DUSP22: variants seen among roughly 807,000 people sequenced by gnomAD.
The protein encoded by DUSP22 is dual specificity protein phosphatase 22.
DUSP22 carries 24 observed loss-of-function variants against 24.5 expected under a neutral mutation model. The ratio of observed to expected loss-of-function variants is 0.98; its 90% CI spans 0.71 to 1.38. The LOEUF (loss-of-function observed/expected upper bound fraction) is 1.38. DUSP22 is among the 40% of genes most tolerant of loss of function. The pLI is 0.00. For synonymous variants in DUSP22, 160 were observed against 106.4 expected (o/e 1.50, Z -3.10); for missense variants, 330 against 269.2 (o/e 1.23, Z -1.58).
At chr6:345,961 C>G (rs762133937) in intron 5 of DUSP22, 33 bp downstream of exon 5, 1 of 1,611,880 alleles carries the variant, frequency 6.2e-7, no homozygotes, top group Non-Finnish European at 8.5e-7. Flanking sequence ...AGCGCCTTAG[C>G]GTATTCTGGT....
Position 292,520 on chromosome 6 carries a change from A to G in DUSP22, c.-20A>G. The G allele has an allele frequency of 6.2e-7, 1 of 1,605,026 alleles. No homozygotes were observed. The highest frequency in any genetic ancestry group is 1.1e-5 in the South Asian group (1 of 90,448). On this transcript the variant is annotated 5_prime_UTR_variant, in exon 1 of 7. Transcript: ENST00000419235. ...CCTGCGACCACACGGCCGGGGCGCTAGCGTTCGCCTTCAGCCACCATGGGG... is the reference window on the plus strand; with the variant it reads ...CCTGCGACCACACGGCCGGGGCGCTGGCGTTCGCCTTCAGCCACCATGGGG...
At chr6:335,582 G>C (rs1307479100) in intron 4 of DUSP22, among the ~76,000 whole-genome samples, 1 of 152,280 alleles carries the variant, frequency 6.6e-6, no homozygotes, top group Non-Finnish European at 1.5e-5. Flanking sequence ...ATTTTAAACA[G>C]CAAACAGAAA....
At chr6:330,059 C>T (rs764253425) in intron 3 of DUSP22, among the ~76,000 whole-genome samples, 16 of 152,406 alleles carry the variant, frequency 1.0e-4, no homozygotes, top group South Asian at 1.0e-3. Flanking sequence ...CCACACAGGC[C>T]GGTGAAGCAG....
chr6:306,229 G>A (rs941110297), intron 2 of DUSP22, among the ~76,000 whole-genome samples: 1 of 152,306 alleles, frequency 6.6e-6, no homozygotes, highest in Non-Finnish European at 1.5e-5. Context: ...TTTAGGATAA[G>A]TTCTTAGAAG....
chr6:303,003 C>G (rs1319459954), intron 1 of DUSP22, among the ~76,000 whole-genome samples: 1 of 152,294 alleles, frequency 6.6e-6, no homozygotes, highest in African/African-American at 2.4e-5. Flanking sequence ...AAGGACCAGG[C>G]CTTGTTGAGA....
At chr6:310,831 A>G (rs1758052021) in intron 2 of DUSP22, among the ~76,000 whole-genome samples, 1 of 152,308 alleles carries the variant, frequency 6.6e-6, no homozygotes, top group Non-Finnish European at 1.5e-5. Context: ...GGTCTCGTAA[A>G]TTTACCTTCT....
intron 3 of DUSP22, among the ~76,000 whole-genome samples, chr6:332,729 C>G (rs1561672051): frequency 6.6e-6 from 1 of 151,394 alleles, no homozygotes; most frequent in African/African-American, 2.4e-5. Flanking sequence ...CAGTCAACAT[C>G]TGGGGGACGC....
chr6:301,978 A>G (rs1278539572), intron 1 of DUSP22, among the ~76,000 whole-genome samples: 1 of 152,310 alleles, frequency 6.6e-6, no homozygotes, highest in Non-Finnish European at 1.5e-5. Flanking sequence ...AGATGTACAA[A>G]GAAAAAAAGC....
chr6:334,650 G>A (rs1759283170), intron 3 of DUSP22, among the ~76,000 whole-genome samples: 1 of 152,302 alleles, frequency 6.6e-6, no homozygotes, highest in Non-Finnish European at 1.5e-5. Flanking sequence ...AGCTGTCATG[G>A]TACTAAAATT....
In DUSP22 at chr6:349,031, A is replaced by T; in HGVS notation, c.*80A>T. On this transcript the variant is annotated 3_prime_UTR_variant, in exon 7 of 7. Coordinates refer to ENST00000419235, the MANE Select transcript of DUSP22 (RefSeq NM_001286555.3). The stretch of plus-strand genomic sequence containing the variant: ...GGCAGGGGTGCGGTGGTGGTGGCCG[A>T]TGAGGACAGGAAAGGGAGATAGCCA... 6.5e-7 allele frequency: 1 copy of T among 1,528,028 alleles called. No individual in the cohort carries two copies. The highest frequency in any genetic ancestry group is 8.8e-7 in the Non-Finnish European group (1 of 1,136,548). 94.7% of individuals were successfully genotyped at this position (1,528,028 alleles called of 1,614,324 possible).
chr6:304,014 A>T (rs1363556293), intron 1 of DUSP22, among the ~76,000 whole-genome samples: 4 of 152,302 alleles, frequency 2.6e-5, no homozygotes, highest in African/African-American at 9.6e-5. Flanking sequence ...TCATTTATTT[A>T]ACAACCCATT....
intron 2 of DUSP22, among the ~76,000 whole-genome samples, chr6:307,395 A>G (rs984678919): frequency 2.8e-4 from 42 of 152,180 alleles, no homozygotes; most frequent in African/African-American, 1.0e-3. Flanking sequence ...TCACTCTGCA[A>G]CTCTTAAGAA....
intron 3 of DUSP22, among the ~76,000 whole-genome samples, chr6:313,966 G>A (rs1375272813): frequency 2.0e-5 from 3 of 152,304 alleles, no homozygotes; most frequent in Non-Finnish European, 4.4e-5. Context: ...CTTCTGTCTT[G>A]AGTTTCAAAT....
chr6:316,749 A>T (rs939731709), intron 3 of DUSP22, among the ~76,000 whole-genome samples: 1 of 152,308 alleles, frequency 6.6e-6, no homozygotes, highest in Non-Finnish European at 1.5e-5. Flanking sequence ...TCTCACTATT[A>T]ACAAAAAAAA....
At position 349,556 on chromosome 6, in the gene DUSP22, C is replaced by T. The variant is rs1044913908; in HGVS notation, c.*605C>T. 1 of 989,510 alleles carries T rather than the reference C, an allele frequency of 1.0e-6. No homozygotes were observed. Among genetic ancestry groups the T allele is most frequent in the African/African-American group, 1.7e-5 (1 of 57,438 alleles). 61.3% of individuals were successfully genotyped at this position (989,510 alleles called of 1,614,324 possible). A position where few individuals can be genotyped will look rare whatever the true frequency, so the allele number is the denominator to read the frequency against. On this transcript the variant is annotated 3_prime_UTR_variant, in exon 7 of 7. Transcript: ENST00000419235. Reference sequence around the variant, plus strand: ...GAGCATGGCCTCTCCCAGAACCCACCCAGGGTGGTGTGGTGGGGGCAACAG... The same window carrying T: ...GAGCATGGCCTCTCCCAGAACCCACTCAGGGTGGTGTGGTGGGGGCAACAG...
intron 3 of DUSP22, among the ~76,000 whole-genome samples, chr6:313,752 C>A (rs965222748): frequency 6.6e-6 from 1 of 152,300 alleles, no homozygotes; most frequent in African/African-American, 2.4e-5. Context: ...TTAGTATTGC[C>A]CCTCTTAGCA....
intron 2 of DUSP22, among the ~76,000 whole-genome samples, chr6:311,119 C>G (rs1284263764): frequency 6.6e-6 from 1 of 152,306 alleles, no homozygotes; most frequent in Non-Finnish European, 1.5e-5. Flanking sequence ...AGCAGGAATT[C>G]TCATTGGTTT....
chr6:348,745 C>G (rs767285496), intron 6 of DUSP22, 24 bp from the exon 7 acceptor site: 1 of 1,613,770 alleles, frequency 6.2e-7, no homozygotes, highest in East Asian at 2.2e-5. Flanking sequence ...TGTGACGTTT[C>G]GGGTTTGTTT....
At chr6:323,386 C>G (rs931921984) in intron 3 of DUSP22, among the ~76,000 whole-genome samples, 2 of 152,308 alleles carry the variant, frequency 1.3e-5, no homozygotes, top group Non-Finnish European at 2.9e-5. Context: ...GCATCGCCAG[C>G]TAGCTCTGGC....
Sources: allele counts gnomAD v4.1 joint callset (sites outside exome capture counted in the v4.1 genomes callset), GRCh38; gene constraint gnomAD v4.1.1; transcripts MANE v1.5; gene names NCBI Gene and HGNC (gene_info 2026-07-23, HGNC 2026-07-21).